Variants in PEX2 observed in about 807,000 individuals in gnomAD.
PEX2 encodes the protein peroxisome biogenesis factor 2.
In PEX2, 19 loss-of-function variants were observed where a neutral mutation model predicts 25.2. That is an observed-to-expected ratio of 0.75 (90% CI 0.53 to 1.10). PEX2 has a LOEUF of 1.10. PEX2 is among the 50% of genes least tolerant of loss of function. The probability of loss-of-function intolerance (pLI) is 0.00; values close to 1 mark genes in which losing one functional copy is unlikely to be tolerated. For missense variants in PEX2, 347 were observed against 350.6 expected (o/e 0.99, Z 0.08); for synonymous variants, 141 against 127.7 (o/e 1.10, Z -0.70).
Position 76,980,597 on chromosome 8 carries a change from T to C in PEX2, c.*2664A>G, listed in dbSNP as rs1806789196. ...AGTGGCTGGTTCAGGAATGTGCACA[T>C]AATCCAAGGCAGACCAGTAACAGTG... On this transcript the variant is annotated 3_prime_UTR_variant, in exon 4 of 4. Coordinates refer to ENST00000357039, the MANE Select transcript of PEX2 (RefSeq NM_000318.3). 1 of 152,192 alleles carries C rather than the reference T, an allele frequency of 6.6e-6. No individual in the cohort carries two copies. Among genetic ancestry groups the C allele is most frequent in the Admixed American group, 6.5e-5 (1 of 15,288 alleles). 9.4% of individuals were successfully genotyped at this position (152,192 alleles called of 1,614,324 possible). A position where few individuals can be genotyped will look rare whatever the true frequency, so the allele number is the denominator to read the frequency against.
chr8:76,999,666 C>T, intron 1 of PEX2: 1 of 365,978 alleles, frequency 2.7e-6, no homozygotes, highest in South Asian at 2.1e-5. Context: ...AGGTAAATAT[C>T]TTCACGACCG....
intron 3 of PEX2, among the ~76,000 whole-genome samples, chr8:76,985,058 T>TGA (rs1292726360): frequency 2.0e-5 from 3 of 151,884 alleles, no homozygotes; most frequent in African/African-American, 7.3e-5. Context: ...CATATATTAT[T>TGA]ATAAATATGT....
upstream of PEX2, chr8:77,000,354 C>G: frequency 5.7e-6 from 1 of 175,562 alleles, no homozygotes; most frequent in South Asian, 5.2e-5. Context: ...GGTCAGGGGC[C>G]GCAAGTGAGG....
intron 1 of PEX2, chr8:76,999,783 T>C (rs780476383): frequency 5.1e-5 from 23 of 453,814 alleles, no homozygotes; most frequent in South Asian, 3.4e-4. Context: ...GCCGCGATCC[T>C]AAAAACATCT....
At chr8:76,994,685 G>A (rs907354616) in intron 1 of PEX2, among the ~76,000 whole-genome samples, 5 of 152,064 alleles carry the variant, frequency 3.3e-5, no homozygotes, top group Non-Finnish European at 7.4e-5. Flanking sequence ...ACCCACTCAT[G>A]CACCCCCTGC....
intron 1 of PEX2, among the ~76,000 whole-genome samples, chr8:76,994,688 C>A (rs1807270286): frequency 6.6e-6 from 1 of 152,118 alleles, no homozygotes; most frequent in Non-Finnish European, 1.5e-5. Context: ...CACTCATGCA[C>A]CCCCTGCCAG....
At position 76,983,203 on chromosome 8, in the gene PEX2, TAA is replaced by T; in HGVS notation, c.*56_*57del. 3.7e-6 allele frequency: 6 copies of T among 1,601,300 alleles called. No individual in the cohort carries two copies. The highest frequency in any genetic ancestry group is 2.5e-6 in the Non-Finnish European group (3 of 1,179,660). Reference sequence around the variant, plus strand: ...ACATAAATGGTATACTTAGGATGACTAATATTAAGAATTTAAACACGGTGCAT... The same window carrying T: ...ACATAAATGGTATACTTAGGATGACTTATTAAGAATTTAAACACGGTGCAT... On this transcript the variant is annotated 3_prime_UTR_variant, in exon 4 of 4. Coordinates refer to ENST00000357039, the MANE Select transcript of PEX2 (RefSeq NM_000318.3).
rs2132042584 is a variant in PEX2 at position 76,983,126 on chromosome 8, C to G, written c.*135G>C. 1 of 1,539,846 alleles carries G rather than the reference C, an allele frequency of 6.5e-7. No homozygotes were observed. The highest frequency in any genetic ancestry group is 8.7e-7 in the Non-Finnish European group (1 of 1,149,518). On this transcript the variant is annotated 3_prime_UTR_variant, in exon 4 of 4. Transcript: ENST00000357039. ...TGGTTTCCAGTGATTAGATTTCAGTCATGCCTGGAAAGGAGAAGACAGTGG... is the reference window on the plus strand; with the variant it reads ...TGGTTTCCAGTGATTAGATTTCAGTGATGCCTGGAAAGGAGAAGACAGTGG...
intron 2 of PEX2, 96 bp downstream of exon 2, chr8:76,988,211 G>A (rs1448487660): frequency 6.6e-6 from 1 of 152,074 alleles, no homozygotes; most frequent in Non-Finnish European, 1.5e-5. Context: ...TCTAAACTGT[G>A]GTCTTCACCA....
At position 76,983,632 on chromosome 8, in the gene PEX2, T is replaced by C; in HGVS notation, c.547A>G (p.Ile183Val). The C allele has an allele frequency of 1.2e-6, 2 of 1,614,022 alleles. No homozygotes were observed. The highest frequency in any genetic ancestry group is 1.1e-5 in the South Asian group (1 of 91,078). ...IHSVFCKPQN[I>V]CEVGFEYMNR... ...ATGTATTCAAAGCCAACTTCACATA[T>C]GTTTTGAGGCTTGCAAAATACAGAA... is the stretch of plus-strand genomic sequence containing the variant. The change falls in exon 4 of 4, where the codon ATA becomes GTA. Residue 183 changes from isoleucine (I) to valine (V), a missense_variant. Physicochemically the swap from Ile to Val is conservative, Grantham distance 29. Transcript: ENST00000357039.
At chr8:76,992,479 C>A (rs1807201242) in intron 1 of PEX2, among the ~76,000 whole-genome samples, 1 of 152,144 alleles carries the variant, frequency 6.6e-6, no homozygotes. Context: ...CTAGAATACT[C>A]TCTTTAGAAA....
At chr8:77,000,162 C>G (rs536508246), upstream of PEX2, 6 of 330,440 alleles carry the variant, frequency 1.8e-5, no homozygotes, top group Non-Finnish European at 3.6e-5. Context: ...GTTACACCAA[C>G]GAGAACTGCG....
chr8:76,984,174 G>T lies in PEX2; in HGVS notation c.5C>A (p.Ala2Asp), dbSNP rs751405090. 5 of 1,613,964 alleles carry T rather than the reference G, an allele frequency of 3.1e-6. No individual in the cohort carries two copies. The highest frequency in any genetic ancestry group is 1.3e-5 in the African/African-American group (1 of 75,018). Residue 2 changes from alanine (A) to aspartate (D), a missense_variant, in exon 4 of 4, where the codon GCT becomes GAT. Transcript: ENST00000357039. ...ACTCTTCGCATTCTCTTTTCTGGAA[G>T]CCATGTCTTCTCTGAAGGTCTCTAG... is the stretch of plus-strand genomic sequence containing the variant. M[A>D]SRKENAKSAN...
intron 1 of PEX2, 91 bp downstream of exon 1, chr8:76,999,899 G>C: frequency 2.2e-6 from 1 of 456,602 alleles, no homozygotes; most frequent in African/African-American, 2.0e-5. Context: ...AAAGCAAACG[G>C]CGACAATTAC....
At position 76,983,732 on chromosome 8, in the gene PEX2, A is replaced by C. The variant is rs375401977; in HGVS notation, c.447T>G (p.Gly149=). 383 of 1,613,870 alleles carry C rather than the reference A, an allele frequency of 2.4e-4. 1 individual carries two copies. Among genetic ancestry groups the C allele is most frequent in the Admixed American group, 6.5e-4 (39 of 59,996 alleles). The change falls in exon 4 of 4, where the codon GGT becomes GGG. Residue 149 remains glycine, a synonymous_variant. Transcript: ENST00000357039. ...GGAAAATCAAAAAATTAATCAGCCC[A>C]CCTAATTTCAAAAGTCCAATCACAA... ...VNFVIGLLKL[G]GLINFLIFLQ... is the part of the protein sequence containing the mutation.
chr8:76,987,273 T>C lies in PEX2; in HGVS notation c.-127-977A>G, dbSNP rs374647353. Among the ~76,000 whole-genome samples, 20 of 152,300 alleles carry C rather than the reference T, an allele frequency of 1.3e-4. No homozygotes were observed. In the East Asian group the frequency reaches 3.7e-3, roughly 28 times the overall value. On this transcript the variant is annotated intron_variant, in intron 2 of 3. Coordinates refer to ENST00000357039, the MANE Select transcript of PEX2 (RefSeq NM_000318.3). ...ATGCAAGGGAAAATTCAGGGCACTA[T>C]GGTTACAACTATACTTCAGAAGGTC...
intron 2 of PEX2, among the ~76,000 whole-genome samples, chr8:76,987,476 G>C (rs568673258): frequency 1.5e-4 from 23 of 152,148 alleles, no homozygotes; most frequent in Non-Finnish European, 2.9e-4. Flanking sequence ...AAAGGCCCTA[G>C]AAGCCAAGCT....
In PEX2 at chr8:76,984,130, T is replaced by C; in HGVS notation, c.49A>G (p.Ile17Val). 1 of 1,614,098 alleles carries C rather than the reference T, an allele frequency of 6.2e-7. No homozygotes were observed. The highest frequency in any genetic ancestry group is 1.7e-5 in the Admixed American group (1 of 60,006). ...AGTTCAAGTGCATCCAACTGGCTTA[T>C]TCTTAGCACTCTGTTTGCACTCTTC... ...NAKSANRVLR[I>V]SQLDALELNK... The change falls in exon 4 of 4, where the codon ATA becomes GTA. Residue 17 changes from isoleucine to valine, a missense_variant. By Grantham distance (29) the Ile-to-Val change is conservative (BLOSUM62 3). Transcript: ENST00000357039.
intron 1 of PEX2, among the ~76,000 whole-genome samples, chr8:76,989,414 A>G (rs2132051718): frequency 6.6e-6 from 1 of 152,312 alleles, no homozygotes; most frequent in South Asian, 2.1e-4. Flanking sequence ...TCTCTCACGA[A>G]TCATGTTCTT....
Sources: allele counts gnomAD v4.1 joint callset (sites outside exome capture counted in the v4.1 genomes callset), GRCh38; gene constraint gnomAD v4.1.1; transcripts MANE v1.5; gene names NCBI Gene and HGNC (gene_info 2026-07-23, HGNC 2026-07-21).